Variants in MEOX1 observed in about 807,000 individuals in gnomAD.
MEOX1 encodes the protein mesenchyme homeobox 1.
A neutral mutation model predicts 23.2 loss-of-function variants in MEOX1; 17 were observed. The ratio of observed to expected loss-of-function variants is 0.73; its 90% CI spans 0.50 to 1.10. The LOEUF (loss-of-function observed/expected upper bound fraction) is 1.10, where lower values mean the gene tolerates loss of function less well. MEOX1 is among the 50% of genes least tolerant of loss of function. The pLI is 0.00. For missense variants in MEOX1, 333 were observed against 332.2 expected, an observed-to-expected ratio of 1.00 and a Z score of -0.02; for synonymous variants, 134 against 135.1, an observed-to-expected ratio of 0.99 and a Z score of 0.06.
chr17:43,656,718 A>T (rs1287625841), intron 1 of MEOX1, among the ~76,000 whole-genome samples: 3 of 152,152 alleles, frequency 2.0e-5, no homozygotes, highest in Non-Finnish European at 2.9e-5. Flanking sequence ...AGCCACTCTA[A>T]TCACACGCAA....
rs145190245 is a variant in MEOX1, at chr17:43,661,234, C to A, written c.301G>T (p.Ala101Ser). ...GGGCCTGAGTTGGGCCTGCGCCGGGCGTCTGAGACAGGGAAGTGCCAGTTG... is the reference window on the plus strand; with the variant it reads ...GGGCCTGAGTTGGGCCTGCGCCGGGAGTCTGAGACAGGGAAGTGCCAGTTG... ...SPNWHFPVSDARRRPNSGPAG... is the reference protein window; with the variant it reads ...SPNWHFPVSDSRRRPNSGPAG... The change falls in exon 1 of 3, where the codon GCC becomes TCC. Residue 101 changes from alanine to serine, a missense_variant. Transcript: ENST00000318579. The A allele has an allele frequency of 2.5e-6, 4 of 1,609,162 alleles. No individual in the cohort carries two copies. Among genetic ancestry groups the A allele is most frequent in the Non-Finnish European group, 2.5e-6 (3 of 1,177,354 alleles).
intron 2 of MEOX1, among the ~76,000 whole-genome samples, chr17:43,643,042 C>T (rs1972726563): frequency 1.3e-5 from 2 of 152,172 alleles, no homozygotes; most frequent in South Asian, 4.1e-4. Flanking sequence ...GGCGCAGTGG[C>T]TCACGCCTGT....
chr17:43,654,102 A>G (rs1972967949), intron 1 of MEOX1, among the ~76,000 whole-genome samples: 1 of 152,160 alleles, frequency 6.6e-6, no homozygotes, highest in African/African-American at 2.4e-5. Flanking sequence ...TCCTATGTTG[A>G]AGCCCTAACC....
intron 1 of MEOX1, among the ~76,000 whole-genome samples, chr17:43,659,793 C>A (rs1393297361): frequency 6.6e-6 from 1 of 152,216 alleles, no homozygotes; most frequent in African/African-American, 2.4e-5. Context: ...ACGTCAGTAT[C>A]CCATGGCACC....
At position 43,661,624 on chromosome 17, in the gene MEOX1, A is replaced by C; in HGVS notation, c.-90T>G. 1.2e-6 allele frequency: 1 copy of C among 819,068 alleles called. No individual in the cohort carries two copies. The highest frequency in any genetic ancestry group is 1.7e-6 in the Non-Finnish European group (1 of 577,704). 50.7% of individuals were successfully genotyped at this position (819,068 alleles called of 1,614,324 possible). A position where few individuals can be genotyped will look rare whatever the true frequency, so the allele number is the denominator to read the frequency against. On this transcript the variant is annotated 5_prime_UTR_variant, in exon 1 of 3. Transcript: ENST00000318579. ...TTTTTAAAAATGCAAAAGAAAAAAA[A>C]CTAAATAGGAGGGAAAAATGTTCAA...
At chr17:43,654,613 G>A (rs1019576041) in intron 1 of MEOX1, among the ~76,000 whole-genome samples, 1 of 152,150 alleles carries the variant, frequency 6.6e-6, no homozygotes, top group Non-Finnish European at 1.5e-5. Flanking sequence ...TTGAGGCCAA[G>A]AGTTCAAGAC....
intron 1 of MEOX1, among the ~76,000 whole-genome samples, chr17:43,656,504 C>A (rs990781310): frequency 1.7e-4 from 26 of 151,914 alleles, no homozygotes; most frequent in African/African-American, 6.0e-4. Flanking sequence ...TGTGGTTGGG[C>A]GGAGGCAGGC....
intron 1 of MEOX1, among the ~76,000 whole-genome samples, chr17:43,655,366 G>A (rs1275072153): frequency 2.6e-5 from 4 of 151,834 alleles, no homozygotes; most frequent in African/African-American, 4.8e-5. Flanking sequence ...AGCTACTTGG[G>A]AGGCTGAGGC....
intron 1 of MEOX1, among the ~76,000 whole-genome samples, chr17:43,646,598 A>C (rs1249363312): frequency 8.8e-6 from 1 of 113,534 alleles, no homozygotes; most frequent in African/African-American, 3.4e-5. Context: ...CAGTCTCCTC[A>C]TCAAGAAATT....
At position 43,651,379 on chromosome 17, in the gene MEOX1, G is replaced by A. The variant is rs150565167; in HGVS notation, c.470-7719C>T. 2.5e-4 allele frequency among the ~76,000 whole-genome samples: 38 copies of A among 152,256 alleles called. 1 individual carries two copies. In the East Asian group the frequency reaches 6.8e-3, roughly 27 times the overall value. The stretch of plus-strand genomic sequence containing the variant: ...AGTCCCAGGCGGGGTGGGTTGGTGA[G>A]GGGGAAGCGCAGCAGCTTTCAAGAG... On this transcript the variant is annotated intron_variant, in intron 1 of 2. Transcript: ENST00000318579.
rs1184148529 is a variant in MEOX1, at chr17:43,657,317, G to A, written c.469+3749C>T. Among the ~76,000 whole-genome samples the A allele has an allele frequency of 4.0e-5, 6 of 148,478 alleles. No homozygotes were observed. The South Asian group carries it at 6.4e-4, about 16-fold the overall frequency. Reference sequence around the variant, plus strand: ...CTTCCCAAGTAGCTGGGATTTACAGGTGCCTGCCACCACACCTGGCTAATT... The same window carrying A: ...CTTCCCAAGTAGCTGGGATTTACAGATGCCTGCCACCACACCTGGCTAATT... On this transcript the variant is annotated intron_variant, in intron 1 of 2. Transcript: ENST00000318579.
Position 43,652,003 on chromosome 17 carries a change from G to A in MEOX1, c.470-8343C>T, listed in dbSNP as rs578154730. On this transcript the variant is annotated intron_variant, in intron 1 of 2. Coordinates refer to ENST00000318579, the MANE Select transcript of MEOX1 (RefSeq NM_004527.4). The stretch of plus-strand genomic sequence containing the variant: ...AGGCCCAGGCGTGGGATTTGTGCTG[G>A]AGCCTCTGAGTTCAGATGGTGGCCG... Among the ~76,000 whole-genome samples the A allele has an allele frequency of 3.3e-5, 5 of 152,314 alleles. No individual in the cohort carries two copies. The East Asian group carries it at 9.6e-4, about 29-fold the overall frequency.
chr17:43,653,420 G>T (rs138179459), intron 1 of MEOX1, among the ~76,000 whole-genome samples: 1 of 151,990 alleles, frequency 6.6e-6, no homozygotes, highest in Non-Finnish European at 1.5e-5. Flanking sequence ...GATTACAGGC[G>T]TGAGCCACCG....
chr17:43,650,325 T>C (rs562474989), intron 1 of MEOX1, among the ~76,000 whole-genome samples: 19 of 152,284 alleles, frequency 1.2e-4, no homozygotes, highest in African/African-American at 4.3e-4. Context: ...AGGGGCAGAA[T>C]TGGGCCTAGA....
intron 1 of MEOX1, among the ~76,000 whole-genome samples, chr17:43,650,547 A>G (rs2154588880): frequency 6.6e-6 from 1 of 152,282 alleles, no homozygotes; most frequent in African/African-American, 2.4e-5. Context: ...GAGGATGAGT[A>G]TGGAGGCTGT....
chr17:43,642,071 C>T (rs750538261), intron 2 of MEOX1, 39 bp from the exon 3 acceptor site: 58 of 1,586,992 alleles, frequency 3.7e-5, no homozygotes, highest in South Asian at 9.3e-5. Context: ...ACTCCAGGGC[C>T]GGTGTGACCT....
intron 1 of MEOX1, among the ~76,000 whole-genome samples, chr17:43,652,235 G>A (rs1263575942): frequency 5.9e-5 from 9 of 152,144 alleles, no homozygotes; most frequent in African/African-American, 2.2e-4. Flanking sequence ...AGGAGCTGCT[G>A]CAGCGGTGCA....
rs149390457 is a variant in MEOX1, at chr17:43,644,425, CACTCTGTGCCAGGTGCTGT to C, written c.470-784_470-766del. Among the ~76,000 whole-genome samples, 941 of 152,372 alleles carry C rather than the reference CACTCTGTGCCAGGTGCTGT, an allele frequency of 6.2e-3. 5 individuals carry two copies. The highest frequency in any genetic ancestry group is 9.9e-3 in the Non-Finnish European group (674 of 68,032). On this transcript the variant is annotated intron_variant, in intron 1 of 2. Transcript: ENST00000318579. Reference sequence around the variant, plus strand: ...TAACTGCCAACAGGGTCAGGGGACACACTCTGTGCCAGGTGCTGTACCTGACATATATTAGCCTCTTATT... The same window carrying C: ...TAACTGCCAACAGGGTCAGGGGACACACCTGACATATATTAGCCTCTTATT...
intron 1 of MEOX1, among the ~76,000 whole-genome samples, chr17:43,655,932 C>G (rs1422276997): frequency 6.6e-6 from 1 of 152,100 alleles, no homozygotes; most frequent in Non-Finnish European, 1.5e-5. Context: ...AAATCGATTG[C>G]ACAACTACTG....
Sources: allele counts gnomAD v4.1 joint callset (sites outside exome capture counted in the v4.1 genomes callset), GRCh38; gene constraint gnomAD v4.1.1; transcripts MANE v1.5; gene names NCBI Gene and HGNC (gene_info 2026-07-23, HGNC 2026-07-21).